Variants in GPR143 observed in about 807,000 individuals in gnomAD.
GPR143 encodes the protein G protein-coupled receptor 143, also known as G-protein coupled receptor 143.
GPR143 carries 8 observed loss-of-function variants against 27.6 expected under a neutral mutation model. That is an observed-to-expected ratio of 0.29 (90% CI 0.17 to 0.52). The LOEUF (loss-of-function observed/expected upper bound fraction) is 0.52, where lower values mean the gene tolerates loss of function less well. Ranked by LOEUF, GPR143 falls within the 20% of genes least tolerant of loss-of-function variation. The pLI, the probability that GPR143 is intolerant of heterozygous loss-of-function variation, is 0.96. For synonymous variants in GPR143, 156 were observed against 153.2 expected (o/e 1.02, Z -0.13); for missense variants, 303 against 343.1 (o/e 0.88, Z 0.92).
intron 1 of GPR143, among the ~76,000 whole-genome samples, chrX:9,761,811 A>G (rs1288047924): frequency 8.8e-6 from 1 of 113,001 alleles, no homozygotes; most frequent in African/African-American, 3.2e-5. Flanking sequence ...TTAAAAGTAC[A>G]CTAGGGTCTG....
At chrX:9,762,649 G>C (rs1027901295) in intron 1 of GPR143, among the ~76,000 whole-genome samples, 3 of 111,321 alleles carry the variant, frequency 2.7e-5, no homozygotes, top group Non-Finnish European at 3.8e-5. Context: ...ACTACTAAAC[G>C]ACAACTGTGA....
upstream of GPR143, among the ~76,000 whole-genome samples, chrX:9,768,055 GC>G (rs994741873): frequency 9.0e-6 from 1 of 111,435 alleles, no homozygotes; most frequent in Non-Finnish European, 1.9e-5. Context: ...TGACTCTGGT[GC>G]CCACTACTCA....
chrX:9,776,291 C>T (rs2083570645), intron 1 of GPR143, among the ~76,000 whole-genome samples: 1 of 112,420 alleles, frequency 8.9e-6, no homozygotes, highest in Admixed American at 9.5e-5. Flanking sequence ...GTGCAGTGGC[C>T]CTTTACCCCT....
intron 1 of GPR143, among the ~76,000 whole-genome samples, chrX:9,761,318 T>G (rs1330828128): frequency 8.9e-6 from 1 of 112,247 alleles, no homozygotes; most frequent in Non-Finnish European, 1.9e-5. Context: ...GGTCTCAAAC[T>G]CCTGACCTCA....
At chrX:9,744,327 G>T (rs991017110) in intron 5 of GPR143, among the ~76,000 whole-genome samples, 1 of 111,310 alleles carries the variant, frequency 9.0e-6, no homozygotes, top group Non-Finnish European at 1.9e-5. Context: ...GCAAGACTCC[G>T]TCTCAAAATA....
intron 3 of GPR143, among the ~76,000 whole-genome samples, chrX:9,753,097 C>T (rs748519806): frequency 6.3e-5 from 7 of 111,514 alleles, no homozygotes; most frequent in African/African-American, 1.3e-4. Context: ...TGAAAAAGGC[C>T]GGGCGCAGTG....
intron 3 of GPR143, among the ~76,000 whole-genome samples, chrX:9,749,233 C>CCT (rs1555914973): frequency 0.024 from 2,508 of 105,227 alleles, 83 homozygotes; most frequent in African/African-American, 0.087. Context: ...CCCTCCCCCC[C>CCT]CAACCCCCTC....
intron 8 of GPR143, among the ~76,000 whole-genome samples, chrX:9,738,809 G>A (rs893285237): frequency 1.8e-5 from 2 of 111,774 alleles, no homozygotes; most frequent in African/African-American, 3.3e-5. Context: ...TTTTCGTAGC[G>A]ACGGGTTTTC....
rs1457172976 is a variant in GPR143, at chrX:9,743,620, T to G, written c.712A>C (p.Met238Leu). The change falls in exon 6 of 9, where the codon ATG (methionine) becomes CTG (leucine). Residue 238 changes from methionine to leucine, a missense_variant. Coordinates refer to ENST00000467482, the MANE Select transcript of GPR143 (RefSeq NM_000273.3). Reference sequence around the variant, plus strand: ...AATCGGATCTTGATCACGGCTCCCATCCTCCTCTCGTTCTCCGTGTAAATG... The same window carrying G: ...AATCGGATCTTGATCACGGCTCCCAGCCTCCTCTCGTTCTCCGTGTAAATG... ...QGIYTENERR[M>L]GAVIKIRFFK... 8.4e-7 allele frequency: 1 copy of G among 1,195,230 alleles called. No individual in the cohort carries two copies. The highest frequency in any genetic ancestry group is 3.0e-5 in the East Asian group (1 of 33,816).
At chrX:9,764,553 CAG>C (rs1345482927) in intron 1 of GPR143, among the ~76,000 whole-genome samples, 3 of 108,442 alleles carry the variant, frequency 2.8e-5, no homozygotes, top group Non-Finnish European at 5.7e-5. Flanking sequence ...CAGAGCGAGA[CAG>C]AGAGAAGTTA....
chrX:9,747,229 A>T (rs184761825), intron 4 of GPR143, among the ~76,000 whole-genome samples: 1 of 110,821 alleles, frequency 9.0e-6, no homozygotes, highest in African/African-American at 3.3e-5. Context: ...ATGCAAAGAC[A>T]GAAAGGAAAT....
chrX:9,735,912 G>T (rs1273748325), intron 8 of GPR143, among the ~76,000 whole-genome samples: 1 of 111,759 alleles, frequency 8.9e-6, no homozygotes, highest in African/African-American at 3.3e-5. Context: ...CCTGGTAAGG[G>T]GTTTTCCTTG....
intron 8 of GPR143, 111 bp from the exon 9 acceptor site, chrX:9,725,951 G>T (rs2083324045): frequency 2.9e-6 from 2 of 700,751 alleles, no homozygotes; most frequent in Non-Finnish European, 3.8e-6. Context: ...GACCAACTTT[G>T]GTCAAAGTCC....
intron 8 of GPR143, among the ~76,000 whole-genome samples, chrX:9,735,168 C>T (rs750906744): frequency 3.6e-5 from 4 of 112,463 alleles, no homozygotes; most frequent in Non-Finnish European, 5.6e-5. Context: ...CGATGCATTA[C>T]GTGTTTTCTT....
upstream of GPR143, among the ~76,000 whole-genome samples, chrX:9,770,097 G>A (rs1341173351): frequency 2.2e-5 from 2 of 90,401 alleles, no homozygotes; most frequent in African/African-American, 8.5e-5. Context: ...CATTGTTTGA[G>A]CCCAGGAGTT....
In GPR143 at chrX:9,752,908, C is replaced by T. The variant is rs145554694; in HGVS notation, c.456-4242G>A. ...CGCCTTCTAGAAGCTGGGAGCTGGG[C>T]GTGGCTGGAGTGGGGAGGGTGAGAG... is the stretch of plus-strand genomic sequence containing the variant. On this transcript the variant is annotated intron_variant, in intron 3 of 8. Transcript: ENST00000467482. Among the ~76,000 whole-genome samples, 495 of 110,552 alleles carry T rather than the reference C, an allele frequency of 4.5e-3. 7 individuals are homozygous for T. The highest frequency in any genetic ancestry group is 0.04 in the East Asian group (140 of 3,505).
chrX:9,725,902 C>G, intron 8 of GPR143, 62 bp from the exon 9 acceptor site: 2 of 1,046,285 alleles, frequency 1.9e-6, no homozygotes, highest in Non-Finnish European at 2.5e-6. Flanking sequence ...TCATCAGCTT[C>G]AGAAAATGCT....
At chrX:9,742,827 C>G (rs1313345831) in intron 6 of GPR143, among the ~76,000 whole-genome samples, 4 of 111,767 alleles carry the variant, frequency 3.6e-5, no homozygotes, top group Admixed American at 9.5e-5. Flanking sequence ...GCATGACCAG[C>G]TGAGTGTGGT....
chrX:9,773,938 T>G (rs1043028740), intron 1 of GPR143, among the ~76,000 whole-genome samples: 33 of 110,969 alleles, frequency 3.0e-4, no homozygotes, highest in African/African-American at 9.5e-4. Context: ...GAAAAAAAGT[T>G]TTATTTGTGC....
Sources: allele counts gnomAD v4.1 joint callset (sites outside exome capture counted in the v4.1 genomes callset), GRCh38; gene constraint gnomAD v4.1.1; transcripts MANE v1.5; gene names NCBI Gene and HGNC (gene_info 2026-07-23, HGNC 2026-07-21).